Variants in ZNF346 observed in about 807,000 individuals in gnomAD.
The protein encoded by ZNF346 is double-stranded RNA-binding zinc finger protein JAZ.
Under a neutral mutation model 33.7 loss-of-function variants are expected in ZNF346, and 23 were observed. The observed-to-expected ratio is 0.68, with a 90% CI of 0.49 to 0.97. The LOEUF (loss-of-function observed/expected upper bound fraction) is 0.97. Among genes scored for constraint, ZNF346 ranks in the 50% least tolerant of loss-of-function variants. ZNF346 has a pLI of 0.00. For missense variants in ZNF346, 340 were observed against 371.1 expected (o/e 0.92, Z 0.69); for synonymous variants, 134 against 142.4 (o/e 0.94, Z 0.42).
At chr5:177,040,847 A>G (rs1213706165) in intron 1 of ZNF346, among the ~76,000 whole-genome samples, 1 of 152,058 alleles carries the variant, frequency 6.6e-6, no homozygotes, top group Non-Finnish European at 1.5e-5. Flanking sequence ...ATTTATTTTT[A>G]TTGGTATCTG....
chr5:177,044,352 G>A (rs879073001), intron 3 of ZNF346, 37 bp from the exon 4 acceptor site: 5 of 1,612,112 alleles, frequency 3.1e-6, no homozygotes, highest in East Asian at 2.2e-5. Flanking sequence ...TGGTGGGGCA[G>A]TGGTATGATC....
intron 8 of ZNF346, among the ~76,000 whole-genome samples, chr5:177,073,464 C>A (rs1783598335): frequency 6.6e-6 from 1 of 152,110 alleles, no homozygotes; most frequent in Non-Finnish European, 1.5e-5. Context: ...CCACCACACC[C>A]AGCTAATTAT....
chr5:177,044,353 T>G, intron 3 of ZNF346, 36 bp from the exon 4 acceptor site: 1 of 1,611,818 alleles, frequency 6.2e-7, no homozygotes, highest in East Asian at 2.2e-5. Context: ...GGTGGGGCAG[T>G]GGTATGATCA....
intron 1 of ZNF346, among the ~76,000 whole-genome samples, chr5:177,030,726 C>G (rs1012843267): frequency 2.0e-5 from 3 of 152,058 alleles, no homozygotes; most frequent in African/African-American, 7.2e-5. Context: ...ACCATCACCA[C>G]TGTCTAATTT....
intron 1 of ZNF346, among the ~76,000 whole-genome samples, chr5:177,025,945 A>G (rs1354825590): frequency 1.3e-5 from 2 of 151,960 alleles, no homozygotes; most frequent in East Asian, 3.8e-4. Context: ...TCTTTATCTT[A>G]ACCCAAGATT....
intron 1 of ZNF346, among the ~76,000 whole-genome samples, chr5:177,034,619 T>G (rs1248742806): frequency 6.6e-6 from 1 of 152,242 alleles, no homozygotes. Context: ...AGCCCTGTGC[T>G]TCATACTCTA....
intron 1 of ZNF346, among the ~76,000 whole-genome samples, chr5:177,028,654 C>G (rs1293284914): frequency 1.4e-5 from 2 of 147,680 alleles, no homozygotes; most frequent in African/African-American, 2.5e-5. Context: ...TGGAACTGCT[C>G]CAGAGCAAGA....
intron 1 of ZNF346, among the ~76,000 whole-genome samples, chr5:177,038,409 G>A (rs989858997): frequency 2.7e-5 from 4 of 150,900 alleles, no homozygotes; most frequent in African/African-American, 9.8e-5. Flanking sequence ...CACCACAACC[G>A]GCCCTGTGAT....
chr5:177,023,789 A>C (rs913895307), intron 1 of ZNF346, among the ~76,000 whole-genome samples: 15 of 152,096 alleles, frequency 9.9e-5, no homozygotes, highest in African/African-American at 3.6e-4. Context: ...CTGGAGGGAA[A>C]TCAGATTTCT....
At chr5:177,042,046 T>G in intron 3 of ZNF346, 176 bp downstream of exon 3, 49 of 513,044 alleles carry the variant, frequency 9.6e-5, no homozygotes, top group Non-Finnish European at 1.1e-4. Flanking sequence ...AGGATGGTAA[T>G]ATCAACTACC....
At position 177,057,630 on chromosome 5, in the gene ZNF346, C is replaced by G. The variant is rs1007575636; in HGVS notation, c.704-4428C>G. 5.3e-5 allele frequency among the ~76,000 whole-genome samples: 8 copies of G among 151,440 alleles called. 1 individual carries two copies. The highest frequency in any genetic ancestry group is 4.2e-4 in the South Asian group (2 of 4,788). ...GTGTGCACCTGTAATCCCAACTACTCAGGATGCTGAGGCAGGAGAATCGCT... is the reference window on the plus strand; with the variant it reads ...GTGTGCACCTGTAATCCCAACTACTGAGGATGCTGAGGCAGGAGAATCGCT... On this transcript the variant is annotated intron_variant, in intron 5 of 6. Coordinates refer to ENST00000358149, the MANE Select transcript of ZNF346 (RefSeq NM_012279.4).
In ZNF346 at chr5:177,066,158, C is replaced by T. The variant is rs1783145759; in HGVS notation, c.*1559C>T. On this transcript the variant is annotated 3_prime_UTR_variant, in exon 7 of 7. Coordinates refer to ENST00000358149, the MANE Select transcript of ZNF346 (RefSeq NM_012279.4). ...TCAGGTGCCCTGAACTCAGTACAGC[C>T]TCATCTTCTCATCCACCACCTTCTC... Among the ~76,000 whole-genome samples, 1 of 150,824 alleles carries T rather than the reference C, an allele frequency of 6.6e-6. No individual in the cohort carries two copies. The highest frequency in any genetic ancestry group is 1.5e-5 in the Non-Finnish European group (1 of 67,818).
chr5:177,073,746 C>A (rs1299679312), intron 8 of ZNF346, among the ~76,000 whole-genome samples: 1 of 144,906 alleles, frequency 6.9e-6, no homozygotes, highest in Non-Finnish European at 1.5e-5. Flanking sequence ...AATGGCCTCC[C>A]ATGAATCATT....
intron 4 of ZNF346, among the ~76,000 whole-genome samples, chr5:177,047,321 TTTTG>T (rs929477123): frequency 1.1e-4 from 16 of 151,820 alleles, no homozygotes; most frequent in Middle Eastern, 3.4e-3. Context: ...CAATTGCCTT[TTTTG>T]TTTGTTTGTT....
intron 6 of ZNF346, among the ~76,000 whole-genome samples, chr5:177,063,900 A>G (rs1233120859): frequency 7.9e-6 from 1 of 126,322 alleles, no homozygotes; most frequent in African/African-American, 2.8e-5. Context: ...CCTGTCTCAA[A>G]ATTTTAAAAA....
intron 3 of ZNF346, 39 bp from the exon 4 acceptor site, chr5:177,044,350 C>G: frequency 1.2e-6 from 2 of 1,611,224 alleles, no homozygotes; most frequent in Non-Finnish European, 1.7e-6. Flanking sequence ...TCTGGTGGGG[C>G]AGTGGTATGA....
At chr5:177,075,309 G>A (rs571007743) in intron 8 of ZNF346, among the ~76,000 whole-genome samples, 7 of 151,262 alleles carry the variant, frequency 4.6e-5, no homozygotes, top group Non-Finnish European at 7.4e-5. Context: ...AGGCTGAGGC[G>A]GGAAAATGGC....
chr5:177,041,250 AAC>A (rs1338114866), intron 2 of ZNF346, 21 bp downstream of exon 2: 1 of 1,594,970 alleles, frequency 6.3e-7, no homozygotes. Flanking sequence ...ATACTTTTAG[AAC>A]TGCGTTTCTT....
chr5:177,028,730 T>C (rs1306661049), intron 1 of ZNF346, among the ~76,000 whole-genome samples: 1 of 128,572 alleles, frequency 7.8e-6, no homozygotes, highest in East Asian at 2.2e-4. Context: ...TTTTTTTTTT[T>C]TTTTTATGAG....
Sources: gnomAD v4.1 joint callset for allele counts (sites outside exome capture counted in the v4.1 genomes callset) on GRCh38, gnomAD v4.1.1 for gene constraint, MANE v1.5 for transcripts, NCBI Gene and HGNC (gene_info 2026-07-23, HGNC 2026-07-21) for gene names.